MTSS1: variants seen among roughly 807,000 people sequenced by gnomAD.
The protein encoded by MTSS1 is MTSS I-BAR domain containing 1.
MTSS1 carries 18 observed loss-of-function variants against 79.0 expected under a neutral mutation model. The observed-to-expected ratio is 0.23, with a 90% CI of 0.16 to 0.34. The LOEUF (loss-of-function observed/expected upper bound fraction) is 0.34, where lower values mean the gene tolerates loss of function less well. Among genes scored for constraint, MTSS1 ranks in the 10% least tolerant of loss-of-function variants. The probability of loss-of-function intolerance (pLI) is 1.00; values close to 1 mark genes in which losing one functional copy is unlikely to be tolerated. For synonymous variants in MTSS1, 341 were observed against 368.6 expected (o/e 0.93, Z 0.86); for missense variants, 815 against 986.2 (o/e 0.83, Z 2.33).
chr8:124,698,887 CAT>C lies in MTSS1; in HGVS notation c.208+637_208+638del, dbSNP rs143580526. ...ATTCATTTTCTTTTTATACTTTTCA[CAT>C]GTTATGAATAACTTTTATATGATTC... is the stretch of plus-strand genomic sequence containing the variant. On this transcript the variant is annotated intron_variant, in intron 3 of 13. Transcript: ENST00000518547. Among the ~76,000 whole-genome samples the C allele has an allele frequency of 5.0e-3, 760 of 152,308 alleles. 2 individuals carry two copies. The highest frequency in any genetic ancestry group is 9.0e-3 in the Non-Finnish European group (612 of 68,020).
At chr8:124,691,104 C>T (rs543102190) in intron 3 of MTSS1, among the ~76,000 whole-genome samples, 2 of 152,278 alleles carry the variant, frequency 1.3e-5, no homozygotes, top group East Asian at 3.9e-4. Flanking sequence ...TTATTCATAG[C>T]AGACGTATAT....
chr8:124,556,303 C>T lies in MTSS1; in HGVS notation c.1333G>A (p.Ala445Thr), dbSNP rs764024228. The T allele has an allele frequency of 1.7e-5, 27 of 1,614,182 alleles. No homozygotes were observed. The highest frequency in any genetic ancestry group is 4.0e-5 in the African/African-American group (3 of 75,062). ...TCAGCTGCTGCAGGTGGGCCGCTGG[C>T]GGTAGTGGGTCCTCCCCCGTTGGGG... ...PDPNGGGPTT[A>T]SGPPAAAEEA... The change falls in exon 12 of 14, where the codon GCC becomes ACC. Residue 445 changes from alanine to threonine, a missense_variant. Ala to Thr is a moderately conservative substitution (Grantham distance 58). This residue lies in a region of MTSS1 where 590 missense variants were observed against 620.8 expected (regional missense o/e 0.95). Transcript: ENST00000518547.
intron 3 of MTSS1, among the ~76,000 whole-genome samples, chr8:124,676,499 G>C (rs1018290715): frequency 6.6e-6 from 1 of 152,232 alleles, no homozygotes; most frequent in Non-Finnish European, 1.5e-5. Context: ...AGACGCAAAT[G>C]TGAGGCAACC....
intron 6 of MTSS1, among the ~76,000 whole-genome samples, chr8:124,573,549 G>A (rs1054083245): frequency 2.0e-5 from 3 of 152,228 alleles, no homozygotes; most frequent in Non-Finnish European, 2.9e-5. Flanking sequence ...ACACTTGCCT[G>A]GAAGGCGGCA....
At position 124,588,518 on chromosome 8, in the gene MTSS1, C is replaced by G. The variant is rs6991214; in HGVS notation, c.385+1102G>C. 3.3e-3 allele frequency among the ~76,000 whole-genome samples: 495 copies of G among 152,300 alleles called. 3 individuals are homozygous for G. Among genetic ancestry groups the G allele is most frequent in the African/African-American group, 0.012 (485 of 41,558 alleles). On this transcript the variant is annotated intron_variant, in intron 5 of 13. Transcript: ENST00000518547. ...GCTGTGCAGATTACACTTAGTTCCT[C>G]TCATACCATCAAGGTCCCTGACAAC... is the stretch of plus-strand genomic sequence containing the variant.
intron 3 of MTSS1, among the ~76,000 whole-genome samples, chr8:124,681,698 G>A (rs1476654576): frequency 6.6e-6 from 1 of 152,162 alleles, no homozygotes; most frequent in African/African-American, 2.4e-5. Context: ...TGAGGCAGGA[G>A]AATTGCTTGA....
At chr8:124,568,964 G>T in intron 6 of MTSS1, 2 of 730,794 alleles carry the variant, frequency 2.7e-6, no homozygotes, top group Non-Finnish European at 3.7e-6. Flanking sequence ...GGCTTTGTTG[G>T]GTCAATCTCA....
chr8:124,652,812 AAC>A (rs796518100), intron 3 of MTSS1, among the ~76,000 whole-genome samples: 2,370 of 150,942 alleles, frequency 0.016, 74 homozygotes, highest in African/African-American at 0.056. Context: ...AAAAAAAAAA[AAC>A]ACAGCCATCA....
At chr8:124,677,333 A>T (rs1825473959) in intron 3 of MTSS1, among the ~76,000 whole-genome samples, 1 of 152,312 alleles carries the variant, frequency 6.6e-6, no homozygotes, top group African/African-American at 2.4e-5. Context: ...GAAATCAGGG[A>T]CATTCTGCCA....
chr8:124,606,416 C>T (rs1023416943), intron 3 of MTSS1, among the ~76,000 whole-genome samples: 1 of 151,838 alleles, frequency 6.6e-6, no homozygotes, highest in Non-Finnish European at 1.5e-5. Context: ...CCCAAAGTGC[C>T]GGGACTACAG....
intron 10 of MTSS1, chr8:124,558,895 A>G (rs1586791123): frequency 1.4e-6 from 2 of 1,478,414 alleles, no homozygotes; most frequent in Non-Finnish European, 1.8e-6. Context: ...CCACCAAAAT[A>G]TAATAAATAA....
Position 124,704,140 on chromosome 8 carries a change from A to T in MTSS1, c.124T>A (p.Ser42Thr), listed in dbSNP as rs1260958114. ...TGTGCTTCTACTTACCGAAGCTGGG[A>T]CTGCAGCTTTCCTGCTTTGTTTATG... ...DFINKAGKLQ[S>T]QLRTTVVAAA... The change falls in exon 2 of 14, where the codon TCC becomes ACC. Residue 42 changes from serine (S) to threonine (T), a missense_variant. By Grantham distance (58) the Ser-to-Thr change is moderately conservative (BLOSUM62 1). Around this residue, in one of 2 missense-constraint regions of MTSS1, gnomAD observed 225 missense variants for 365.4 expected, o/e 0.62. Transcript: ENST00000518547. 6.2e-7 allele frequency: 1 copy of T among 1,613,832 alleles called. No individual in the cohort carries two copies. The highest frequency in any genetic ancestry group is 8.5e-7 in the Non-Finnish European group (1 of 1,179,894).
chr8:124,679,449 A>G (rs1313274272), intron 3 of MTSS1, among the ~76,000 whole-genome samples: 21 of 152,228 alleles, frequency 1.4e-4, no homozygotes, highest in Non-Finnish European at 2.9e-5. Flanking sequence ...TCAGTAAAAC[A>G]GTCTACCTGA....
intron 1 of MTSS1, among the ~76,000 whole-genome samples, chr8:124,724,132 G>A (rs766931907): frequency 7.2e-5 from 11 of 152,190 alleles, no homozygotes; most frequent in Admixed American, 1.3e-4. Flanking sequence ...CCAAAACAAA[G>A]CAGTGAGGGG....
chr8:124,622,060 AAGAGAG>A (rs55869660), intron 3 of MTSS1, among the ~76,000 whole-genome samples: 4,114 of 110,040 alleles, frequency 0.037, 78 homozygotes, highest in Middle Eastern at 0.072. Flanking sequence ...CAGAAAGAGA[AAGAGAG>A]AGAGAGAGAG....
chr8:124,617,797 G>C (rs1361557347), intron 3 of MTSS1, among the ~76,000 whole-genome samples: 1 of 152,156 alleles, frequency 6.6e-6, no homozygotes, highest in Non-Finnish European at 1.5e-5. Context: ...GCTTGAAGTA[G>C]TAACCTGGTG....
intron 3 of MTSS1, among the ~76,000 whole-genome samples, chr8:124,621,528 G>T (rs1157670245): frequency 6.6e-6 from 1 of 152,088 alleles, no homozygotes; most frequent in Non-Finnish European, 1.5e-5. Flanking sequence ...GTGATGGAAG[G>T]GTTCCTATCA....
chr8:124,561,667 C>T (rs777167055), intron 10 of MTSS1, among the ~76,000 whole-genome samples: 2 of 152,124 alleles, frequency 1.3e-5, no homozygotes, highest in East Asian at 3.9e-4. Flanking sequence ...AACACACACA[C>T]ACAATTATGC....
At chr8:124,660,312 G>A (rs550819882) in intron 3 of MTSS1, among the ~76,000 whole-genome samples, 12 of 152,070 alleles carry the variant, frequency 7.9e-5, no homozygotes, top group Non-Finnish European at 1.3e-4. Flanking sequence ...GGGGCCCTTC[G>A]AAAGAAGCAG....
Sources: allele counts gnomAD v4.1 joint callset (sites outside exome capture counted in the v4.1 genomes callset), GRCh38; gene constraint gnomAD v4.1.1; regional missense constraint gnomAD v4.1.1; transcripts MANE v1.5; gene names NCBI Gene and HGNC (gene_info 2026-07-23, HGNC 2026-07-21).